Variants in ASAP1 observed in about 807,000 individuals in gnomAD.
The protein encoded by ASAP1 is arf-GAP with SH3 domain, ANK repeat and PH domain-containing protein 1.
A neutral mutation model predicts 145.2 loss-of-function variants in ASAP1; 43 were observed. The ratio of observed to expected loss-of-function variants is 0.30; its 90% CI spans 0.23 to 0.38. The LOEUF (loss-of-function observed/expected upper bound fraction) is 0.38. ASAP1 is among the 10% of genes least tolerant of loss of function. The pLI is 1.00. For synonymous variants in ASAP1, 546 were observed against 515.5 expected (o/e 1.06, Z -0.80); for missense variants, 1,018 against 1,355.3 (o/e 0.75, Z 3.91).
intron 3 of ASAP1, among the ~76,000 whole-genome samples, chr8:130,330,200 A>G (rs1824594183): frequency 6.6e-6 from 1 of 152,262 alleles, no homozygotes; most frequent in Non-Finnish European, 1.5e-5. Context: ...TCATCAAACC[A>G]AACTGAGTAA....
intron 4 of ASAP1, among the ~76,000 whole-genome samples, chr8:130,230,154 T>C (rs1320465408): frequency 6.6e-6 from 1 of 152,162 alleles, no homozygotes; most frequent in Non-Finnish European, 1.5e-5. Context: ...AAATTTATTT[T>C]AAACTACTTA....
intron 25 of ASAP1, among the ~76,000 whole-genome samples, chr8:130,081,527 C>A (rs2135331616): frequency 6.6e-6 from 1 of 152,214 alleles, no homozygotes; most frequent in East Asian, 1.9e-4. Context: ...GCCTAGGTGG[C>A]ACTGGGAATG....
At chr8:130,140,636 TATG>T (rs2097608403) in intron 13 of ASAP1, among the ~76,000 whole-genome samples, 1 of 152,218 alleles carries the variant, frequency 6.6e-6, no homozygotes. Flanking sequence ...GTGATGACGT[TATG>T]ATGTTTATTC....
intron 3 of ASAP1, among the ~76,000 whole-genome samples, chr8:130,288,215 T>C (rs1247275426): frequency 6.6e-6 from 1 of 152,192 alleles, no homozygotes; most frequent in Non-Finnish European, 1.5e-5. Context: ...TGTGGCTTTT[T>C]TCTGATAAAG....
chr8:130,251,765 C>A (rs902685359), intron 3 of ASAP1, among the ~76,000 whole-genome samples: 2 of 152,104 alleles, frequency 1.3e-5, no homozygotes, highest in East Asian at 3.9e-4. Flanking sequence ...CCGAAAATAG[C>A]AAACATATGC....
At chr8:130,065,864 C>T (rs1453987377) in intron 27 of ASAP1, among the ~76,000 whole-genome samples, 4 of 152,198 alleles carry the variant, frequency 2.6e-5, no homozygotes, top group Non-Finnish European at 4.4e-5. Context: ...CTGCCTTGGT[C>T]TACCGCTATT....
intron 3 of ASAP1, among the ~76,000 whole-genome samples, chr8:130,326,480 C>T (rs1824339352): frequency 6.6e-6 from 1 of 152,220 alleles, no homozygotes; most frequent in Non-Finnish European, 1.5e-5. Flanking sequence ...TTTCAATACA[C>T]ACCACGAACA....
At chr8:130,336,383 T>C (rs1825037157) in intron 3 of ASAP1, among the ~76,000 whole-genome samples, 1 of 152,198 alleles carries the variant, frequency 6.6e-6, no homozygotes, top group African/African-American at 2.4e-5. Context: ...ATGCAGATTA[T>C]TGGGTCCTAC....
chr8:130,172,647 T>C (rs1440062111), intron 9 of ASAP1, among the ~76,000 whole-genome samples: 5 of 152,214 alleles, frequency 3.3e-5, no homozygotes, highest in Non-Finnish European at 7.3e-5. Context: ...ATGGGTACCA[T>C]GTAGATGGTA....
intron 13 of ASAP1, among the ~76,000 whole-genome samples, chr8:130,150,944 A>G (rs911692596): frequency 6.6e-6 from 1 of 152,250 alleles, no homozygotes; most frequent in African/African-American, 2.4e-5. Flanking sequence ...TCAAAGGATC[A>G]GAAATGTTCA....
At chr8:130,266,379 T>C (rs1820246258) in intron 3 of ASAP1, among the ~76,000 whole-genome samples, 2 of 152,138 alleles carry the variant, frequency 1.3e-5, no homozygotes, top group Admixed American at 6.5e-5. Context: ...AGTGACTTAA[T>C]CTCAAATAAG....
intron 5 of ASAP1, among the ~76,000 whole-genome samples, chr8:130,212,380 T>C (rs548747277): frequency 6.6e-6 from 1 of 152,276 alleles, no homozygotes; most frequent in Non-Finnish European, 1.5e-5. Context: ...AAAAGGGCTG[T>C]AGCTTGAGGT....
rs5895032 is a variant in ASAP1, at chr8:130,052,735, GTTTTTTTTT to G, written c.*1987_*1995del. 8.2e-6 allele frequency: 1 copy of G among 122,144 alleles called. No homozygotes were observed. The highest frequency in any genetic ancestry group is 3.1e-5 in the African/African-American group (1 of 32,440). 7.6% of individuals were successfully genotyped at this position (122,144 alleles called of 1,614,324 possible). A position where few individuals can be genotyped will look rare whatever the true frequency, so the allele number is the denominator to read the frequency against. ...GCTTTTGTGTTTTTTTTTTGTTTTT[GTTTTTTTTT>G]TTTTTTTGAAAAAAACCAGTTTATT... On this transcript the variant is annotated 3_prime_UTR_variant, in exon 30 of 30. Transcript: ENST00000518721.
intron 3 of ASAP1, among the ~76,000 whole-genome samples, chr8:130,262,417 AGAGAGAGAGAG>A (rs376515748): frequency 0.02 from 663 of 32,892 alleles, 12 homozygotes; most frequent in African/African-American, 0.037. Context: ...AAAAAAAAAA[AGAGAGAGAGAG>A]AGAGAGAGAG....
intron 1 of ASAP1, among the ~76,000 whole-genome samples, chr8:130,422,621 C>A (rs367876241): frequency 6.1e-4 from 93 of 152,324 alleles, no homozygotes; most frequent in African/African-American, 2.1e-3. Flanking sequence ...AAAACTCTCT[C>A]CCATGGATCA....
chr8:130,316,704 G>C (rs1190034385), intron 3 of ASAP1, among the ~76,000 whole-genome samples: 2 of 152,216 alleles, frequency 1.3e-5, no homozygotes, highest in Non-Finnish European at 2.9e-5. Context: ...TGAGGAAGGT[G>C]AGATCAAAAG....
In ASAP1 at chr8:130,091,422, C is replaced by T. The variant is rs2097505165; in HGVS notation, c.2572+551G>A. 2.0e-5 allele frequency among the ~76,000 whole-genome samples: 3 copies of T among 152,058 alleles called. No homozygotes were observed. The South Asian group carries it at 6.2e-4, about 32-fold the overall frequency. ...AGGGAGTGGGAGGGCCCTCAGGAGGCAGAGGATGGTGTATCCAAGAAGTGA... is the reference window on the plus strand; with the variant it reads ...AGGGAGTGGGAGGGCCCTCAGGAGGTAGAGGATGGTGTATCCAAGAAGTGA... On this transcript the variant is annotated intron_variant, in intron 25 of 29. Coordinates refer to ENST00000518721, the MANE Select transcript of ASAP1 (RefSeq NM_018482.4).
At chr8:130,076,897 GA>G (rs113088303) in intron 26 of ASAP1, among the ~76,000 whole-genome samples, 2 of 151,812 alleles carry the variant, frequency 1.3e-5, no homozygotes, top group Non-Finnish European at 2.9e-5. Flanking sequence ...GTAAAAGGAT[GA>G]AAAAAAAGTC....
intron 15 of ASAP1, among the ~76,000 whole-genome samples, chr8:130,129,271 G>C (rs542436571): frequency 6.6e-6 from 1 of 152,296 alleles, no homozygotes; most frequent in Admixed American, 6.5e-5. Flanking sequence ...ATAGCAGTGT[G>C]AGAACGGGCT....
Sources: gnomAD v4.1 joint callset for allele counts (sites outside exome capture counted in the v4.1 genomes callset) on GRCh38, gnomAD v4.1.1 for gene constraint, MANE v1.5 for transcripts, NCBI Gene and HGNC (gene_info 2026-07-23, HGNC 2026-07-21) for gene names.